The following GAS7 variants were observed in gnomAD, a reference collection of about 807,000 sequenced individuals.
GAS7 encodes growth arrest specific 7.
A neutral mutation model predicts 71.1 loss-of-function variants in GAS7; 28 were observed. The ratio of observed to expected loss-of-function variants is 0.39; its 90% CI spans 0.29 to 0.54. The LOEUF is 0.54. Among genes scored for constraint, GAS7 ranks in the 20% least tolerant of loss-of-function variants. The pLI is 0.62. For missense variants in GAS7, 436 were observed against 627.8 expected (o/e 0.69, Z 3.27); for synonymous variants, 258 against 245.8 (o/e 1.05, Z -0.46).
chr17:9,986,703 A>G (rs1473738646), intron 2 of GAS7, among the ~76,000 whole-genome samples: 1 of 151,444 alleles, frequency 6.6e-6, no homozygotes, highest in Non-Finnish European at 1.5e-5. Context: ...CAACTCCCAG[A>G]CCCCCCACAA....
intron 1 of GAS7, among the ~76,000 whole-genome samples, chr17:10,105,565 C>T (rs1166439506): frequency 2.0e-5 from 3 of 152,128 alleles, no homozygotes; most frequent in Non-Finnish European, 4.4e-5. Context: ...TTTGCACTTG[C>T]TGTCACCTCT....
At chr17:10,113,762 T>C (rs151210099) in intron 1 of GAS7, among the ~76,000 whole-genome samples, 51 of 152,320 alleles carry the variant, frequency 3.3e-4, no homozygotes, top group African/African-American at 1.1e-3. Context: ...GGAAGGGAAC[T>C]GATAGGTTGA....
intron 1 of GAS7, among the ~76,000 whole-genome samples, chr17:10,174,420 C>T (rs980641660): frequency 2.0e-5 from 3 of 152,148 alleles, no homozygotes; most frequent in Admixed American, 6.5e-5. Flanking sequence ...TGGCCAGGCG[C>T]GGTGGCTCAC....
chr17:10,118,600 G>A (rs542336245), intron 1 of GAS7, among the ~76,000 whole-genome samples: 39 of 151,808 alleles, frequency 2.6e-4, no homozygotes, highest in African/African-American at 9.4e-4. Context: ...GCTACCCTGG[G>A]GGCTGAGGCA....
chr17:10,026,297 AG>A lies in GAS7; in HGVS notation c.184-6401del. 6.1e-6 allele frequency: 6 copies of A among 985,462 alleles called. No homozygotes were observed. The highest frequency in any genetic ancestry group is 7.2e-6 in the Non-Finnish European group (6 of 829,972). The allele number at this position is 985,462 out of a possible 1,614,324, so 61.0% of individuals were successfully genotyped here. Reference sequence around the variant, plus strand: ...AACCCAGAAGCAATAGGAGCTCTAAAGAAAAGCATATCCACAGGGCCCCACA... The same window carrying A: ...AACCCAGAAGCAATAGGAGCTCTAAAAAAAGCATATCCACAGGGCCCCACA... On this transcript the variant is annotated intron_variant, in intron 1 of 13. Transcript: ENST00000432992. The surrounding 1 kb of genome is among the most constrained non-coding windows in gnomAD (Gnocchi z 4.5).
chr17:9,949,830 T>G, intron 5 of GAS7, among the ~76,000 whole-genome samples: 1 of 130,100 alleles, frequency 7.7e-6, no homozygotes, highest in South Asian at 2.9e-4. Flanking sequence ...TCTTTCCCTC[T>G]TCCCCTCCCT....
At chr17:10,164,088 G>A (rs1257051400) in intron 1 of GAS7, among the ~76,000 whole-genome samples, 1 of 152,134 alleles carries the variant, frequency 6.6e-6, no homozygotes, top group Non-Finnish European at 1.5e-5. Flanking sequence ...GACGTCATCA[G>A]TCTGGCTGTG....
At chr17:10,136,884 G>C (rs149860355) in intron 1 of GAS7, among the ~76,000 whole-genome samples, 3 of 151,940 alleles carry the variant, frequency 2.0e-5, no homozygotes, top group African/African-American at 7.3e-5. Context: ...CTCTCTGGGA[G>C]GCTGAGGCAG....
chr17:10,111,356 AC>A (rs1210420252), intron 1 of GAS7, among the ~76,000 whole-genome samples: 2 of 151,542 alleles, frequency 1.3e-5, no homozygotes, highest in East Asian at 1.9e-4. Context: ...ACACAGTGAA[AC>A]CCCGTCTCTA....
At chr17:10,005,456 A>C (rs1243428889) in intron 2 of GAS7, among the ~76,000 whole-genome samples, 3 of 151,766 alleles carry the variant, frequency 2.0e-5, no homozygotes, top group Admixed American at 2.0e-4. Context: ...TCAGACACCC[A>C]CAGAACTAAA....
At chr17:10,140,160 ACT>A (rs1486360098) in intron 1 of GAS7, among the ~76,000 whole-genome samples, 1 of 151,832 alleles carries the variant, frequency 6.6e-6, no homozygotes, top group Admixed American at 6.6e-5. Flanking sequence ...TTCTGTAAAA[ACT>A]CTCTTTTAAA....
chr17:10,026,717 G>A lies in GAS7; in HGVS notation c.184-6820C>T, dbSNP rs193246842. ...CTGGAGACTGGCAATTCACTCCCAC[G>A]TCATGCCTTCCTGGTGGACACCTGT... On this transcript the variant is annotated intron_variant, in intron 1 of 13. Coordinates refer to ENST00000432992, the MANE Select transcript of GAS7 (RefSeq NM_201433.2). The surrounding 1 kb of genome is among the most constrained non-coding windows in gnomAD (Gnocchi z 4.5). 2.1e-4 allele frequency among the ~76,000 whole-genome samples: 32 copies of A among 152,270 alleles called. No homozygotes were observed. Among genetic ancestry groups the A allele is most frequent in the East Asian group, 1.5e-3 (8 of 5,184 alleles).
At chr17:9,944,438 C>T (rs62064530) in intron 6 of GAS7, among the ~76,000 whole-genome samples, 6,559 of 152,282 alleles carry the variant, frequency 0.043, 197 homozygotes, top group Non-Finnish European at 0.069. Flanking sequence ...GTGTCCAATC[C>T]TAGGTAGTAT....
At chr17:10,144,410 T>C (rs1245727892) in intron 1 of GAS7, among the ~76,000 whole-genome samples, 1 of 152,212 alleles carries the variant, frequency 6.6e-6, no homozygotes, top group South Asian at 2.1e-4. Flanking sequence ...AGAGGCATTT[T>C]TGGGGCCCTT....
At chr17:9,929,800 G>GTT (rs11393907) in intron 9 of GAS7, among the ~76,000 whole-genome samples, 4 of 150,666 alleles carry the variant, frequency 2.7e-5, no homozygotes, top group African/African-American at 7.3e-5. Flanking sequence ...TTAAAAGACA[G>GTT]TTTTTTTTTT....
intron 7 of GAS7, 134 bp from the exon 8 acceptor site, chr17:9,940,334 T>G: frequency 1.4e-6 from 1 of 721,034 alleles, no homozygotes; most frequent in Non-Finnish European, 2.6e-6. Flanking sequence ...GGCTCTTGTC[T>G]GTCTACCTGA....
chr17:9,921,002 A>C (rs906027988), intron 11 of GAS7, among the ~76,000 whole-genome samples: 8 of 152,136 alleles, frequency 5.3e-5, no homozygotes, highest in Admixed American at 4.6e-4. Flanking sequence ...GCTATGCCAC[A>C]CACCAGACGC....
At chr17:9,947,827 TAAAAACA>T (rs2068850377) in intron 5 of GAS7, among the ~76,000 whole-genome samples, 1 of 106,324 alleles carries the variant, frequency 9.4e-6, no homozygotes, top group Admixed American at 9.8e-5. Context: ...AGGTGAAGGT[TAAAAACA>T]AAAAAAAAAA....
chr17:10,153,883 A>G (rs1186933268), intron 1 of GAS7, among the ~76,000 whole-genome samples: 1 of 152,162 alleles, frequency 6.6e-6, no homozygotes, highest in Non-Finnish European at 1.5e-5. Context: ...CCTGGGCAAC[A>G]TAAAAAGATT....
Sources: allele counts gnomAD v4.1 joint callset (sites outside exome capture counted in the v4.1 genomes callset), GRCh38; gene constraint gnomAD v4.1.1; non-coding constraint Gnocchi (gnomAD v3.1); transcripts MANE v1.5; gene names NCBI Gene and HGNC (gene_info 2026-07-23, HGNC 2026-07-21).